The following PMPCB variants were observed in gnomAD, a reference collection of about 807,000 sequenced individuals.
PMPCB encodes the protein mitochondrial-processing peptidase subunit beta.
A neutral mutation model predicts 61.5 loss-of-function variants in PMPCB; 46 were observed. That is an observed-to-expected ratio of 0.75 (90% confidence interval 0.59 to 0.96). The LOEUF is 0.96. Ranked by LOEUF, PMPCB falls within the 40% of genes least tolerant of loss-of-function variation. The pLI is 0.00. For missense variants in PMPCB, 590 were observed against 602.4 expected (o/e 0.98, Z 0.22); for synonymous variants, 191 against 201.6 (o/e 0.95, Z 0.44).
In PMPCB at chr7:103,303,298, G is replaced by A. The variant is rs548094520; in HGVS notation, c.458-544G>A. 7.9e-5 allele frequency among the ~76,000 whole-genome samples: 12 copies of A among 152,290 alleles called. No homozygotes were observed. The South Asian group carries it at 1.7e-3, about 21-fold the overall frequency. ...CACGAAGCTAATTTTTGTATTTTTTGTAGAGACAGGATTTTGGCATGTTCC... is the reference window on the plus strand; with the variant it reads ...CACGAAGCTAATTTTTGTATTTTTTATAGAGACAGGATTTTGGCATGTTCC... On this transcript the variant is annotated intron_variant, in intron 4 of 12. Coordinates refer to ENST00000249269, the MANE Select transcript of PMPCB (RefSeq NM_004279.3).
At chr7:103,344,332 A>G in the PMPCB span, 1 of 583,158 alleles carries the variant, frequency 1.7e-6, no homozygotes, top group Admixed American at 3.1e-5. Flanking sequence ...CGGCGAGAGG[A>G]GGAAGCAACG....
chr7:103,336,835 T>C, the PMPCB span: 1 of 152,240 alleles, frequency 6.6e-6, no homozygotes. Flanking sequence ...TAAAAAATAT[T>C]TCCTGTGATT....
chr7:103,317,263 T>C (rs1459882314), downstream of PMPCB: 5 of 428,822 alleles, frequency 1.2e-5, no homozygotes. Context: ...TCATGTGACT[T>C]CCATTAGCCT....
downstream of PMPCB, among the ~76,000 whole-genome samples, chr7:103,315,511 A>G (rs1323566918): frequency 1.3e-5 from 2 of 152,062 alleles, no homozygotes; most frequent in Non-Finnish European, 2.9e-5. Flanking sequence ...ATCCTCTAAC[A>G]CTGTTTTGTA....
At chr7:103,317,959 CTTAAA>C (rs1818162769), downstream of PMPCB, among the ~76,000 whole-genome samples, 1 of 3,634 alleles carries the variant, frequency 2.8e-4, no homozygotes, top group South Asian at 2.8e-3. Flanking sequence ...AGTGCAGATT[CTTAAA>C]TAAATAAGAT....
At chr7:103,314,905 C>A (rs1817961627), downstream of PMPCB, among the ~76,000 whole-genome samples, 1 of 152,142 alleles carries the variant, frequency 6.6e-6, no homozygotes, top group Non-Finnish European at 1.5e-5. Context: ...TGGTGGCTCA[C>A]AAAACATGAA....
At position 103,312,889 on chromosome 7, in the gene PMPCB, T is replaced by C; in HGVS notation, c.*618T>C. 6.4e-7 allele frequency: 1 copy of C among 1,568,118 alleles called. No homozygotes were observed. The highest frequency in any genetic ancestry group is 1.2e-5 in the South Asian group (1 of 81,752). On this transcript the variant is annotated 3_prime_UTR_variant, in exon 13 of 13. Coordinates refer to ENST00000249269, the MANE Select transcript of PMPCB (RefSeq NM_004279.3). The stretch of plus-strand genomic sequence containing the variant: ...CACTTAATAGACATAAAATATGAGC[T>C]ATATCACCCAAGCTACAATTTAAAA...
At chr7:103,341,649 T>A in the PMPCB span, 300 of 850,860 alleles carry the variant, frequency 3.5e-4, 4 homozygotes, top group East Asian at 7.8e-3. Flanking sequence ...AGATGCTAAA[T>A]CATAGTTATC....
downstream of PMPCB, among the ~76,000 whole-genome samples, chr7:103,331,388 T>C (rs1376960468): frequency 6.6e-6 from 1 of 152,248 alleles, no homozygotes; most frequent in African/African-American, 2.4e-5. Context: ...CTTCTAGCTA[T>C]TTTGAAATAT....
intron 12 of PMPCB, among the ~76,000 whole-genome samples, chr7:103,325,449 G>GAA (rs35877928): frequency 0.022 from 3,273 of 145,864 alleles, 55 homozygotes; most frequent in Middle Eastern, 0.043. Flanking sequence ...AATAAAAAAG[G>GAA]AAAAAAAAAA....
Position 103,312,751 on chromosome 7 carries a change from T to C in PMPCB, c.*480T>C. 6.5e-7 allele frequency: 1 copy of C among 1,532,648 alleles called. No homozygotes were observed. Among genetic ancestry groups the C allele is most frequent in the Non-Finnish European group, 8.7e-7 (1 of 1,148,986 alleles). 94.9% of individuals were successfully genotyped at this position (1,532,648 alleles called of 1,614,324 possible). A position where few individuals can be genotyped will look rare whatever the true frequency, so the allele number is the denominator to read the frequency against. On this transcript the variant is annotated 3_prime_UTR_variant, in exon 13 of 13. Transcript: ENST00000249269. ...AGCAACTAAGATAGATAGTACTAAA[T>C]ATACTGATTTCATTATCTGCCAGGG...
Position 103,314,001 on chromosome 7 carries a change from A to T in PMPCB, c.*1730A>T, listed in dbSNP as rs1817904668. The stretch of plus-strand genomic sequence containing the variant: ...GTTAAAAGTTAAGCCTAGAAACCAA[A>T]GTTCCTTCCCAATTAAAGAAGGAAA... On this transcript the variant is annotated 3_prime_UTR_variant, in exon 13 of 13. Transcript: ENST00000249269. 2.0e-6 allele frequency: 2 copies of T among 985,444 alleles called. No individual in the cohort carries two copies. The highest frequency in any genetic ancestry group is 9.4e-5 in the South Asian group (2 of 21,292). The allele number at this position is 985,444 out of a possible 1,614,324, so 61.0% of individuals were successfully genotyped here.
intron 7 of PMPCB, among the ~76,000 whole-genome samples, chr7:103,308,202 T>G (rs1028094171): frequency 1.3e-5 from 2 of 152,218 alleles, no homozygotes; most frequent in East Asian, 3.9e-4. Flanking sequence ...CTGCTTAGTT[T>G]GCCATGTTGA....
chr7:103,311,761 T>C (rs752961781), intron 10 of PMPCB, 33 bp downstream of exon 10: 2 of 1,601,102 alleles, frequency 1.2e-6, no homozygotes, highest in Admixed American at 1.7e-5. Flanking sequence ...TGTTTTCATA[T>C]GGTTGATCTG....
chr7:103,312,012 T>A (rs1402535819), intron 11 of PMPCB, 44 bp from the exon 12 acceptor site: 1 of 1,591,892 alleles, frequency 6.3e-7, no homozygotes, highest in Non-Finnish European at 8.6e-7. Flanking sequence ...ATAGACTTTG[T>A]TTTTACTACA....
At chr7:103,303,718 C>G in intron 4 of PMPCB, 124 bp from the exon 5 acceptor site, 1 of 638,764 alleles carries the variant, frequency 1.6e-6, no homozygotes, top group Non-Finnish European at 2.7e-6. Context: ...ATGTTTTTCT[C>G]CTAGGCTAAT....
rs200390973 is a variant in PMPCB, at chr7:103,322,159, CT to C, written c.*1432-6768del. On this transcript the variant is annotated intron_variant and NMD_transcript_variant, in intron 12 of 12. Coordinates refer to the PMPCB transcript ENST00000444457. ...TGTTTTATAATTTTAAAAATTTAAACTTTTAATAAATTATATTAGGAAAAAA... is the reference window on the plus strand; with the variant it reads ...TGTTTTATAATTTTAAAAATTTAAACTTTAATAAATTATATTAGGAAAAAA... 1,994 of 1,118,266 alleles carry C rather than the reference CT, an allele frequency of 1.8e-3. 20 individuals are homozygous for C. In the African/African-American group the frequency reaches 0.028, roughly 16 times the overall value. 69.3% of individuals were successfully genotyped at this position (1,118,266 alleles called of 1,614,324 possible).
At chr7:103,346,826 G>GTGTA in the PMPCB span, among the ~76,000 whole-genome samples, 30 of 50,016 alleles carry the variant, frequency 6.0e-4, no homozygotes, top group African/African-American at 1.1e-3. Flanking sequence ...TAATGTGTGT[G>GTGTA]TGTGTGTGTG....
intron 12 of PMPCB, chr7:103,327,635 G>C (rs1234905946): frequency 6.8e-7 from 1 of 1,467,124 alleles, no homozygotes; most frequent in Admixed American, 1.8e-5. Flanking sequence ...AGAAATTCCT[G>C]ACTCTAAAGC....
Sources: allele counts gnomAD v4.1 joint callset (sites outside exome capture counted in the v4.1 genomes callset), GRCh38; gene constraint gnomAD v4.1.1; transcripts MANE v1.5; gene names NCBI Gene and HGNC (gene_info 2026-07-23, HGNC 2026-07-21).